The following CARMIL2 variants were observed in gnomAD, a reference collection of about 807,000 sequenced individuals.
CARMIL2 encodes capping protein regulator and myosin 1 linker 2, also known as capping protein, Arp2/3 and myosin-I linker protein 2.
A neutral mutation model predicts 173.3 loss-of-function variants in CARMIL2; 96 were observed. That is an observed-to-expected ratio of 0.55 (90% CI 0.47 to 0.66). The LOEUF (loss-of-function observed/expected upper bound fraction) is 0.66, where lower values mean the gene tolerates loss of function less well. CARMIL2 is among the 30% of genes least tolerant of loss of function. The pLI is 0.00. For missense variants in CARMIL2, 1,771 were observed against 1,906.7 expected (o/e 0.93, Z 1.33); for synonymous variants, 830 against 817.1 (o/e 1.02, Z -0.27).
rs1465996149 is a variant in CARMIL2 at position 67,649,224 on chromosome 16, G to A, written c.1689-30G>A. The stretch of plus-strand genomic sequence containing the variant: ...TCCCAGACAACACCCCACCACCCCT[G>A]TCCCCCACAACTGCGGCCCCTGCCC... On this transcript the variant is annotated intron_variant, in intron 18 of 37. Transcript: ENST00000334583. This position sits in a 1 kb window ranked among gnomAD's most constrained non-coding sequence, Gnocchi z 6.7. 2 of 1,613,160 alleles carry A rather than the reference G, an allele frequency of 1.2e-6. No homozygotes were observed. The highest frequency in any genetic ancestry group is 1.7e-4 in the Middle Eastern group (1 of 6,060).
chr16:67,650,021 G>A (rs375786958), intron 21 of CARMIL2, 28 bp from the exon 22 acceptor site: 67 of 1,613,282 alleles, frequency 4.2e-5, no homozygotes, highest in Non-Finnish European at 4.9e-5. Flanking sequence ...TCCGTCCCTC[G>A]GCATTTCTCA....
At position 67,652,000 on chromosome 16, in the gene CARMIL2, G is replaced by C; in HGVS notation, c.2668G>C (p.Asp890His). The C allele has an allele frequency of 6.2e-7, 1 of 1,613,562 alleles. No individual in the cohort carries two copies. Residue 890 changes from aspartate to histidine, a missense_variant, in exon 26 of 38, where the codon GAT (aspartate) becomes CAT (histidine). Physicochemically the swap from Asp to His is moderately conservative, Grantham distance 81 (BLOSUM62 -1). Around this residue, in one of 3 missense-constraint regions of CARMIL2, gnomAD observed 817 missense variants for 903.5 expected, o/e 0.90. Transcript: ENST00000334583. The surrounding 1 kb of genome is among the most constrained non-coding windows in gnomAD (Gnocchi z 4.2). ...TTTGGCAGGCCTGAGTGCAGCCCGG[G>C]ATCAGCTGGTGAGGGGGAGATGTGC... Reference protein sequence around the residue: ...QALAGLSAARDQLVESLAQQA... With the variant: ...QALAGLSAARHQLVESLAQQA...
Position 67,651,065 on chromosome 16 carries a change from G to C in CARMIL2, c.2185-122G>C. 8.8e-7 allele frequency: 1 copy of C among 1,130,032 alleles called. No homozygotes were observed. The highest frequency in any genetic ancestry group is 1.2e-6 in the Non-Finnish European group (1 of 803,516). 70.0% of individuals were successfully genotyped at this position (1,130,032 alleles called of 1,614,324 possible). A position where few individuals can be genotyped will look rare whatever the true frequency, so the allele number is the denominator to read the frequency against. Reference sequence around the variant, plus strand: ...CTCCTTGAACAGATAGGGTTCCAAAGTGGCTGGTCTAAGGGTGTCAGCTTC... The same window carrying C: ...CTCCTTGAACAGATAGGGTTCCAAACTGGCTGGTCTAAGGGTGTCAGCTTC... On this transcript the variant is annotated intron_variant, in intron 22 of 37. Coordinates refer to ENST00000334583, the MANE Select transcript of CARMIL2 (RefSeq NM_001013838.3). The surrounding 1 kb of genome is among the most constrained non-coding windows in gnomAD (Gnocchi z 4.2).
chr16:67,656,802 T>C lies in CARMIL2; in HGVS notation c.4038T>C (p.Asp1346=), dbSNP rs893191256. The C allele has an allele frequency of 9.7e-6, 15 of 1,551,164 alleles. No individual in the cohort carries two copies. The highest frequency in any genetic ancestry group is 1.3e-5 in the Non-Finnish European group (15 of 1,147,218). ...EDPCLGPRNE[D]GQLRPRPLSA... is the part of the protein sequence containing the mutation. ...CCCTGATTCCCTGGCCTCCCTCAGA[T>C]GGCCAGCTGAGGCCGAGGCCTCTCT... The change falls in exon 36 of 38, where the codon GAT becomes GAC. Residue 1346 remains aspartate, a splice_region_variant and synonymous_variant. Coordinates refer to ENST00000334583, the MANE Select transcript of CARMIL2 (RefSeq NM_001013838.3).
rs756618104 is a variant in CARMIL2, at chr16:67,648,233, C to T, written c.1253C>T (p.Pro418Leu). Residue 418 changes from proline (P) to leucine (L), a missense_variant, in exon 14 of 38, where the codon CCG becomes CTG. By Grantham distance (98) the Pro-to-Leu change is moderately conservative. This residue lies in a region of CARMIL2 where 944 missense variants were observed against 975.6 expected (regional missense o/e 0.97). Coordinates refer to ENST00000334583, the MANE Select transcript of CARMIL2 (RefSeq NM_001013838.3). The surrounding 1 kb of genome is among the most constrained non-coding windows in gnomAD (Gnocchi z 6.1). ...PPAGVANSLP[P>L]QLFAAVSRGC... ...GCGGGTGTAGCCAACAGCCTCCCCC[C>T]GCAGCTCTTCGCAGCGGTATCCCGA... 3.1e-6 allele frequency: 5 copies of T among 1,601,902 alleles called. No homozygotes were observed. Among genetic ancestry groups the T allele is most frequent in the Admixed American group, 3.4e-5 (2 of 58,784 alleles).
At position 67,648,585 on chromosome 16, in the gene CARMIL2, G is replaced by C. The variant is rs1289129706; in HGVS notation, c.1439+83G>C. ...GCCCCTCCCCGCTCCTGCTTCTGTC[G>C]CTCCCACAACCTCCCCCAGATCCTG... On this transcript the variant is annotated intron_variant, in intron 15 of 37. Coordinates refer to ENST00000334583, the MANE Select transcript of CARMIL2 (RefSeq NM_001013838.3). The surrounding 1 kb of genome is among the most constrained non-coding windows in gnomAD (Gnocchi z 6.1). The C allele has an allele frequency of 3.4e-6, 5 of 1,475,192 alleles. No individual in the cohort carries two copies. Among genetic ancestry groups the C allele is most frequent in the Non-Finnish European group, 4.6e-6 (5 of 1,083,940 alleles). 91.4% of individuals were successfully genotyped at this position (1,475,192 alleles called of 1,614,324 possible).
intron 8 of CARMIL2, 51 bp from the exon 9 acceptor site, chr16:67,647,065 G>T: frequency 1.2e-6 from 2 of 1,610,320 alleles, no homozygotes; most frequent in Non-Finnish European, 1.7e-6. Flanking sequence ...CTGGGCCTGG[G>T]ACCTGGCTGG....
intron 21 of CARMIL2, 36 bp downstream of exon 21, chr16:67,650,004 C>T (rs752353807): frequency 1.2e-6 from 2 of 1,613,512 alleles, no homozygotes; most frequent in African/African-American, 1.3e-5. Context: ...CTTCTCTGCA[C>T]GGTAACTCCG....
chr16:67,648,198 C>A lies in CARMIL2; in HGVS notation c.1218C>A (p.Leu406=), dbSNP rs1398556971. Residue 406 remains leucine, a synonymous_variant, in exon 14 of 38, where the codon CTC becomes CTA. Coordinates refer to ENST00000334583, the MANE Select transcript of CARMIL2 (RefSeq NM_001013838.3). This position sits in a 1 kb window ranked among gnomAD's most constrained non-coding sequence, Gnocchi z 6.1. The stretch of plus-strand genomic sequence containing the variant: ...ACTGGAGGGCGGGACGGGGAGGGCT[C>A]GGTCCCCCCGCGGGTGTAGCCAACA... ...RADWRAGRGG[L]GPPAGVANSL... 1 of 1,605,262 alleles carries A rather than the reference C, an allele frequency of 6.2e-7. No homozygotes were observed. Among genetic ancestry groups the A allele is most frequent in the South Asian group, 1.1e-5 (1 of 89,928 alleles).
At position 67,648,452 on chromosome 16, in the gene CARMIL2, G is replaced by T; in HGVS notation, c.1389G>T (p.Thr463=). The change falls in exon 15 of 38, where the codon ACG becomes ACT. Residue 463 remains threonine (T), a synonymous_variant. Coordinates refer to ENST00000334583, the MANE Select transcript of CARMIL2 (RefSeq NM_001013838.3). The surrounding 1 kb of genome is among the most constrained non-coding windows in gnomAD (Gnocchi z 6.1). ...ALQLFLSRAR[T]LRHLGLAGCK... ...AGCTCTTCCTCAGCCGCGCGCGGACGCTGCGGCACCTGGGCCTGGCGGGCT... is the reference window on the plus strand; with the variant it reads ...AGCTCTTCCTCAGCCGCGCGCGGACTCTGCGGCACCTGGGCCTGGCGGGCT... 1 of 1,449,440 alleles carries T rather than the reference G, an allele frequency of 6.9e-7. No homozygotes were observed. The highest frequency in any genetic ancestry group is 9.0e-7 in the Non-Finnish European group (1 of 1,111,710). 89.8% of individuals were successfully genotyped at this position (1,449,440 alleles called of 1,614,324 possible).
Position 67,656,252 on chromosome 16 carries a change from A to T in CARMIL2, c.3767A>T (p.Glu1256Val). 1 of 1,613,970 alleles carries T rather than the reference A, an allele frequency of 6.2e-7. No homozygotes were observed. The highest frequency in any genetic ancestry group is 8.5e-7 in the Non-Finnish European group (1 of 1,179,886). ...GGTGACATTATGGACAGTTCCACGG[A>T]GGCCCCTCCCATCTCGATCAAGTCC... ...SDGDIMDSSTEAPPISIKSRT... is the reference protein window; with the variant it reads ...SDGDIMDSSTVAPPISIKSRT... The change falls in exon 34 of 38, where the codon GAG (glutamate) becomes GTG (valine). Residue 1256 changes from glutamate to valine, a missense_variant. Transcript: ENST00000334583.
rs780868645 is a variant in CARMIL2, at chr16:67,649,781, C to A, written c.1920-25C>A. 1.5e-5 allele frequency: 24 copies of A among 1,602,770 alleles called. No individual in the cohort carries two copies. Among genetic ancestry groups the A allele is most frequent in the Non-Finnish European group, 2.0e-5 (23 of 1,173,734 alleles). Reference sequence around the variant, plus strand: ...GGTGGGGCGTTGGGAAGCTCCGTCCCCGACTGAAGCCAGGCCCGGCCCAGG... The same window carrying A: ...GGTGGGGCGTTGGGAAGCTCCGTCCACGACTGAAGCCAGGCCCGGCCCAGG... On this transcript the variant is annotated intron_variant, in intron 20 of 37. Transcript: ENST00000334583. The surrounding 1 kb of genome is among the most constrained non-coding windows in gnomAD (Gnocchi z 6.7).
At position 67,648,689 on chromosome 16, in the gene CARMIL2, C is replaced by A; in HGVS notation, c.1444C>A (p.Leu482Ile). ...CCGTGTAACGTCCTCTCCCAGAGCC[C>A]TTTTGGATGGCCTCGCGCTCAACAC... ...CKLPPDALRA[L>I]LDGLALNTHL... The change falls in exon 16 of 38, where the codon CTT becomes ATT. Residue 482 changes from leucine to isoleucine, a missense_variant. By Grantham distance (5) the Leu-to-Ile change is conservative. Coordinates refer to ENST00000334583, the MANE Select transcript of CARMIL2 (RefSeq NM_001013838.3). The surrounding 1 kb of genome is among the most constrained non-coding windows in gnomAD (Gnocchi z 6.1). 1 of 1,606,172 alleles carries A rather than the reference C, an allele frequency of 6.2e-7. No individual in the cohort carries two copies. Among genetic ancestry groups the A allele is most frequent in the Non-Finnish European group, 8.5e-7 (1 of 1,176,714 alleles).
intron 13 of CARMIL2, 27 bp downstream of exon 13, chr16:67,647,985 C>A: frequency 6.2e-7 from 1 of 1,604,724 alleles, no homozygotes. Context: ...AGGGTGGGAG[C>A]TTGGGGTTGC....
At position 67,649,699 on chromosome 16, in the gene CARMIL2, A is replaced by C; in HGVS notation, c.1919+80A>C. The stretch of plus-strand genomic sequence containing the variant: ...GGCACCGGGCTAAGGGGAGGGACTG[A>C]ATGAGGCGGAGCAAATGGAGCAGGC... On this transcript the variant is annotated intron_variant, in intron 20 of 37. Transcript: ENST00000334583. The surrounding 1 kb of genome is among the most constrained non-coding windows in gnomAD (Gnocchi z 6.7). The C allele has an allele frequency of 6.4e-7, 1 of 1,561,346 alleles. No homozygotes were observed. Among genetic ancestry groups the C allele is most frequent in the African/African-American group, 1.3e-5 (1 of 74,272 alleles).
In CARMIL2 at chr16:67,657,373, A is replaced by C. The variant is rs755039024; in HGVS notation, c.4196-33A>C. 3 of 1,605,214 alleles carry C rather than the reference A, an allele frequency of 1.9e-6. No individual in the cohort carries two copies. Among genetic ancestry groups the C allele is most frequent in the South Asian group, 1.1e-5 (1 of 90,096 alleles). ...GGCAGGACTGCTTAGCCCAGCCCTGACCCTTCCTCTCTCTCCCTCCCTCCC... is the reference window on the plus strand; with the variant it reads ...GGCAGGACTGCTTAGCCCAGCCCTGCCCCTTCCTCTCTCTCCCTCCCTCCC... On this transcript the variant is annotated intron_variant, in intron 37 of 37. Transcript: ENST00000334583. The surrounding 1 kb of genome is among the most constrained non-coding windows in gnomAD (Gnocchi z 4.5).
rs1410933065 is a variant in CARMIL2, at chr16:67,652,011, G to A, written c.2676+3G>A. 6.2e-7 allele frequency: 1 copy of A among 1,613,424 alleles called. No individual in the cohort carries two copies. On this transcript the variant is annotated splice_donor_region_variant and intron_variant, in intron 26 of 37. Transcript: ENST00000334583. The surrounding 1 kb of genome is among the most constrained non-coding windows in gnomAD (Gnocchi z 4.7). Reference sequence around the variant, plus strand: ...TGAGTGCAGCCCGGGATCAGCTGGTGAGGGGGAGATGTGCACACACTTTCG... The same window carrying A: ...TGAGTGCAGCCCGGGATCAGCTGGTAAGGGGGAGATGTGCACACACTTTCG...
At chr16:67,650,414 C>T (rs571436249) in intron 22 of CARMIL2, 4 of 545,208 alleles carry the variant, frequency 7.3e-6, no homozygotes, top group Non-Finnish European at 1.3e-5. Flanking sequence ...CTCAATTTTC[C>T]CCCAATTGTA....
Position 67,656,657 on chromosome 16 carries a change from C to T in CARMIL2, c.4036+12C>T, listed in dbSNP as rs1482650419. ...CCCCAGAAATGAAGGTAGGCAGGCA[C>T]CTGATTCCCCACCCCAATCCTGGCC... is the stretch of plus-strand genomic sequence containing the variant. On this transcript the variant is annotated intron_variant, in intron 35 of 37. Transcript: ENST00000334583. 1 of 1,579,986 alleles carries T rather than the reference C, an allele frequency of 6.3e-7. No individual in the cohort carries two copies. The highest frequency in any genetic ancestry group is 1.4e-5 in the African/African-American group (1 of 73,700).
Sources: gnomAD v4.1 joint callset for allele counts on GRCh38, gnomAD v4.1.1 for gene constraint, gnomAD v4.1.1 regional missense constraint, Gnocchi (gnomAD v3.1) non-coding constraint, MANE v1.5 for transcripts, NCBI Gene and HGNC (gene_info 2026-07-23, HGNC 2026-07-21) for gene names.